RBFOX1: variants seen among roughly 807,000 people sequenced by gnomAD.
RBFOX1 encodes the protein RNA binding fox-1 homolog 1.
RBFOX1 carries 8 observed loss-of-function variants against 57.7 expected under a neutral mutation model. That is an observed-to-expected ratio of 0.14 (90% CI 0.08 to 0.25). The LOEUF (loss-of-function observed/expected upper bound fraction) is 0.25. Ranked by LOEUF, RBFOX1 falls within the 10% of genes least tolerant of loss-of-function variation. RBFOX1 has a pLI of 1.00. For synonymous variants in RBFOX1, 326 were observed against 222.4 expected, an observed-to-expected ratio of 1.47 and a Z score of -4.15; for missense variants, 611 against 548.5, an observed-to-expected ratio of 1.11 and a Z score of -1.14.
intron 1 of RBFOX1, among the ~76,000 whole-genome samples, chr16:5,404,839 C>T (rs184649297): frequency 1.3e-5 from 2 of 152,286 alleles, no homozygotes; most frequent in African/African-American, 4.8e-5. Context: ...GAGAGAGCGA[C>T]AAAGCCATGA....
At chr16:6,664,105 T>C (rs981240346) in intron 3 of RBFOX1, among the ~76,000 whole-genome samples, 6 of 152,214 alleles carry the variant, frequency 3.9e-5, no homozygotes, top group Non-Finnish European at 8.8e-5. Flanking sequence ...TACTTGCTCA[T>C]AGATCATGTT....
rs555860232 is a variant in RBFOX1, at chr16:5,598,342, C to G, written c.259-560C>G. 5.3e-5 allele frequency among the ~76,000 whole-genome samples: 8 copies of G among 152,160 alleles called. 1 individual carries two copies. In the South Asian group the frequency reaches 1.7e-3, roughly 32 times the overall value. On this transcript the variant is annotated intron_variant, in intron 2 of 2. Coordinates refer to the RBFOX1 transcript ENST00000585867. ...GACCCCCAGCATCCTCGGTCTGGGA[C>G]GAGGAGTCCACACTGAGAAACATCC...
At chr16:6,378,233 C>A (rs988837786) in intron 2 of RBFOX1, among the ~76,000 whole-genome samples, 1 of 152,240 alleles carries the variant, frequency 6.6e-6, no homozygotes, top group Non-Finnish European at 1.5e-5. Context: ...GCTCCATCTG[C>A]CGCACACTCG....
chr16:5,478,223 G>T (rs998422070), intron 2 of RBFOX1, among the ~76,000 whole-genome samples: 1 of 151,666 alleles, frequency 6.6e-6, no homozygotes, highest in Non-Finnish European at 1.5e-5. Context: ...GGTTAGACTA[G>T]CGAAGGGAGT....
At chr16:6,141,337 A>G (rs2096714402) in intron 1 of RBFOX1, among the ~76,000 whole-genome samples, 2 of 152,126 alleles carry the variant, frequency 1.3e-5, no homozygotes, top group African/African-American at 2.4e-5. Flanking sequence ...CTGAGAGGCT[A>G]TTCCTTTCTT....
upstream of RBFOX1, chr16:6,018,993 G>C (rs529697194): frequency 1.9e-5 from 14 of 755,028 alleles, no homozygotes; most frequent in South Asian, 7.8e-4. Flanking sequence ...GCTGGCGAGG[G>C]GAAGGGGGAG....
chr16:6,192,279 G>T (rs771786486), intron 1 of RBFOX1, among the ~76,000 whole-genome samples: 3 of 152,166 alleles, frequency 2.0e-5, no homozygotes, highest in Admixed American at 6.6e-5. Context: ...GGCTGTGCTT[G>T]TTCTCATGCC....
At chr16:6,391,309 A>G (rs1431336598) in intron 2 of RBFOX1, among the ~76,000 whole-genome samples, 3 of 152,096 alleles carry the variant, frequency 2.0e-5, no homozygotes, top group African/African-American at 4.8e-5. Flanking sequence ...GGAGATCCAG[A>G]CCATCCTGGC....
chr16:7,529,684 TACA>T (rs981037860), intron 5 of RBFOX1, among the ~76,000 whole-genome samples: 2 of 152,332 alleles, frequency 1.3e-5, no homozygotes, highest in East Asian at 3.9e-4. Context: ...ATACTGAATT[TACA>T]ACTTCTGACT....
chr16:5,553,538 A>G (rs1267935795), intron 2 of RBFOX1, among the ~76,000 whole-genome samples: 2 of 151,926 alleles, frequency 1.3e-5, no homozygotes, highest in African/African-American at 4.8e-5. Context: ...GATGGTCTCA[A>G]TCTCCTGACT....
chr16:5,273,215 T>G (rs2151128791), intron 1 of RBFOX1, among the ~76,000 whole-genome samples: 1 of 152,034 alleles, frequency 6.6e-6, no homozygotes, highest in South Asian at 2.1e-4. Context: ...AAAGCCACGA[T>G]TGCTTTCAAT....
chr16:7,432,455 C>G (rs1302988321), intron 4 of RBFOX1, among the ~76,000 whole-genome samples: 3 of 152,184 alleles, frequency 2.0e-5, no homozygotes, highest in East Asian at 1.9e-4. Context: ...CTTGGAGAGA[C>G]TGTCACTCAG....
At chr16:5,466,327 T>A (rs1174845081) in intron 1 of RBFOX1, among the ~76,000 whole-genome samples, 1 of 152,150 alleles carries the variant, frequency 6.6e-6, no homozygotes, top group Non-Finnish European at 1.5e-5. Context: ...TGACTCAGCC[T>A]TCTGAGACCA....
intron 2 of RBFOX1, among the ~76,000 whole-genome samples, chr16:6,606,867 A>C (rs529368412): frequency 6.6e-6 from 1 of 152,166 alleles, no homozygotes; most frequent in African/African-American, 2.4e-5. Context: ...CTTTGGGTAT[A>C]TACCCAGTAA....
chr16:5,514,704 G>A (rs1218048302), intron 2 of RBFOX1, among the ~76,000 whole-genome samples: 1 of 152,036 alleles, frequency 6.6e-6, no homozygotes, highest in Admixed American at 6.6e-5. Flanking sequence ...CACAGCAAAA[G>A]ATGAAGAAAG....
intron 1 of RBFOX1, among the ~76,000 whole-genome samples, chr16:5,332,231 C>T (rs890439256): frequency 7.2e-5 from 11 of 152,104 alleles, no homozygotes; most frequent in African/African-American, 2.4e-4. Context: ...TTTTTACCCA[C>T]GCAGAGGCAT....
chr16:7,652,048 T>C (rs1360121050), intron 11 of RBFOX1, among the ~76,000 whole-genome samples: 2 of 150,234 alleles, frequency 1.3e-5, no homozygotes. Flanking sequence ...GAGGAAACAG[T>C]GTTGGTTATC....
At chr16:6,155,342 G>C (rs1209064244) in intron 1 of RBFOX1, among the ~76,000 whole-genome samples, 1 of 152,188 alleles carries the variant, frequency 6.6e-6, no homozygotes, top group Non-Finnish European at 1.5e-5. Context: ...GTGCACTGTT[G>C]AGGAACACAT....
In RBFOX1 at chr16:7,053,211, C is replaced by T. The variant is rs151246197; in HGVS notation, c.27+1113C>T. ...TAAAATAAACAACAGAATCCAGGTGCATGAAACCGAGAAAGTGAGACAAGG... is the reference window on the plus strand; with the variant it reads ...TAAAATAAACAACAGAATCCAGGTGTATGAAACCGAGAAAGTGAGACAAGG... On this transcript the variant is annotated intron_variant, in intron 4 of 15. Transcript: ENST00000550418. Among the ~76,000 whole-genome samples, 540 of 152,268 alleles carry T rather than the reference C, an allele frequency of 3.5e-3. 2 individuals carry two copies. The highest frequency in any genetic ancestry group is 0.01 in the Middle Eastern group (3 of 292).
Sources: allele counts gnomAD v4.1 joint callset (sites outside exome capture counted in the v4.1 genomes callset), GRCh38; gene constraint gnomAD v4.1.1; transcripts MANE v1.5; gene names NCBI Gene and HGNC (gene_info 2026-07-23, HGNC 2026-07-21).